FAM133B: variants seen among roughly 807,000 people sequenced by gnomAD.
FAM133B encodes family with sequence similarity 133 member B.
In FAM133B, 25 loss-of-function variants were observed where a neutral mutation model predicts 46.4. The observed-to-expected ratio is 0.54, with a 90% CI of 0.39 to 0.75. The LOEUF is 0.75. FAM133B is among the 30% of genes least tolerant of loss of function. FAM133B has a pLI of 0.00. For missense variants in FAM133B, 205 were observed against 277.6 expected (o/e 0.74, Z 1.86); for synonymous variants, 75 against 86.0 (o/e 0.87, Z 0.71).
chr7:92,575,137 T>A (rs555329935), intron 8 of FAM133B, among the ~76,000 whole-genome samples: 1 of 152,328 alleles, frequency 6.6e-6, no homozygotes, highest in Admixed American at 6.5e-5. Context: ...AATATTTATC[T>A]ATGGTATATT....
At chr7:92,590,232 T>G (rs764600562) in intron 1 of FAM133B, 36 bp downstream of exon 1, 2 of 1,613,358 alleles carry the variant, frequency 1.2e-6, no homozygotes, top group Non-Finnish European at 1.7e-6. Flanking sequence ...CGCCGGGCCC[T>G]GCGTCGCCCC....
chr7:92,568,024 A>G (rs917144289), intron 9 of FAM133B, among the ~76,000 whole-genome samples: 1 of 152,176 alleles, frequency 6.6e-6, no homozygotes, highest in African/African-American at 2.4e-5. Context: ...TTGGCCTCCC[A>G]AAGTGCTGGG....
At position 92,590,148 on chromosome 7, in the gene FAM133B, C is replaced by T. The variant is rs1454965163; in HGVS notation, c.24+120G>A. The T allele has an allele frequency of 8.0e-6, 12 of 1,499,716 alleles. No homozygotes were observed. In the African/African-American group the frequency reaches 1.7e-4, roughly 21 times the overall value. 92.9% of individuals were successfully genotyped at this position (1,499,716 alleles called of 1,614,324 possible). A position where few individuals can be genotyped will look rare whatever the true frequency, so the allele number is the denominator to read the frequency against. On this transcript the variant is annotated intron_variant, in intron 1 of 10. Transcript: ENST00000445716. Reference sequence around the variant, plus strand: ...GGGATCGGCGGAGGGTGCTGGGTCTCCAGGCCCCACGTCTGAGGGCTGCCG... The same window carrying T: ...GGGATCGGCGGAGGGTGCTGGGTCTTCAGGCCCCACGTCTGAGGGCTGCCG...
intron 1 of FAM133B, among the ~76,000 whole-genome samples, chr7:92,589,182 A>C (rs1795118892): frequency 6.6e-6 from 1 of 152,206 alleles, no homozygotes; most frequent in Admixed American, 6.5e-5. Flanking sequence ...TCAGTGGCTA[A>C]AACTTTGTCA....
At position 92,562,343 on chromosome 7, in the gene FAM133B, T is replaced by G; in HGVS notation, c.683A>C (p.His228Pro). The G allele has an allele frequency of 6.5e-7, 1 of 1,534,282 alleles. No individual in the cohort carries two copies. The highest frequency in any genetic ancestry group is 2.4e-5 in the East Asian group (1 of 40,824). The change falls in exon 11 of 11, where the codon CAT becomes CCT. Residue 228 changes from histidine to proline, a missense_variant. Coordinates refer to ENST00000445716, the MANE Select transcript of FAM133B (RefSeq NM_152789.4). ...ATEKTKKKKK[H>P]KKHSKKKKKK... ...TTTCTTCTTCTTACTGTGTTTCTTATGCTTCTTTTTCTTTTTTGTTTTTTC... is the reference window on the plus strand; with the variant it reads ...TTTCTTCTTCTTACTGTGTTTCTTAGGCTTCTTTTTCTTTTTTGTTTTTTC...
chr7:92,572,360 G>T (rs10278093), intron 8 of FAM133B, among the ~76,000 whole-genome samples: 1 of 152,100 alleles, frequency 6.6e-6, no homozygotes, highest in African/African-American at 2.4e-5. Context: ...CAAAATGTTC[G>T]TAAGTTGAAT....
intron 9 of FAM133B, chr7:92,569,408 T>C (rs1232493483): frequency 6.6e-6 from 1 of 152,570 alleles, no homozygotes; most frequent in African/African-American, 2.4e-5. Context: ...TTCATCACCT[T>C]TCTACTCCCC....
chr7:92,590,151 G>A, intron 1 of FAM133B, 117 bp downstream of exon 1: 7 of 1,511,672 alleles, frequency 4.6e-6, no homozygotes, highest in East Asian at 4.6e-5. Context: ...TGGGTCTCCA[G>A]GCCCCACGTC....
intron 1 of FAM133B, among the ~76,000 whole-genome samples, chr7:92,583,647 T>C (rs1223581462): frequency 6.6e-6 from 1 of 152,234 alleles, no homozygotes; most frequent in African/African-American, 2.4e-5. Flanking sequence ...AAAATTCGCA[T>C]TGCTACTGAT....
intron 1 of FAM133B, among the ~76,000 whole-genome samples, chr7:92,586,646 ATT>A (rs2116426658): frequency 6.6e-6 from 1 of 152,350 alleles, no homozygotes; most frequent in Admixed American, 6.5e-5. Context: ...ACAGAAAATG[ATT>A]TGTTTCTGAA....
chr7:92,577,251 C>T (rs936757627), intron 6 of FAM133B, 56 bp from the exon 7 acceptor site: 12 of 1,208,140 alleles, frequency 9.9e-6, no homozygotes, highest in Non-Finnish European at 1.3e-5. Flanking sequence ...CTAATTTACA[C>T]ATTTATTAAT....
At chr7:92,579,226 GT>G in intron 3 of FAM133B, 90 bp downstream of exon 3, 1 of 1,115,580 alleles carries the variant, frequency 9.0e-7, no homozygotes, top group African/African-American at 1.6e-5. Flanking sequence ...CTGGCCTCCC[GT>G]TTCGGCCTCC....
intron 8 of FAM133B, among the ~76,000 whole-genome samples, chr7:92,572,330 A>C (rs1794556614): frequency 6.6e-6 from 1 of 152,278 alleles, no homozygotes; most frequent in Non-Finnish European, 1.5e-5. Context: ...AGAATGCAAA[A>C]TAACAAGCAC....
intron 8 of FAM133B, among the ~76,000 whole-genome samples, chr7:92,574,019 T>C (rs1794616860): frequency 6.6e-6 from 1 of 152,130 alleles, no homozygotes. Context: ...TTAAAATTAA[T>C]TAAAAAAAAT....
chr7:92,571,734 C>T (rs2116390967), intron 8 of FAM133B, among the ~76,000 whole-genome samples: 1 of 152,300 alleles, frequency 6.6e-6, no homozygotes, highest in African/African-American at 2.4e-5. Flanking sequence ...CTGGACTCTA[C>T]ACTGTTCCAT....
Position 92,581,928 on chromosome 7 carries a change from A to T in FAM133B, c.25-325T>A. On this transcript the variant is annotated intron_variant, in intron 1 of 10. Coordinates refer to ENST00000445716, the MANE Select transcript of FAM133B (RefSeq NM_152789.4). ...AGCCCAGTAACCCTGTGAGGGTGAT[A>T]ACAGTATGTTCACTAGAAAATTAAG... 1.5e-5 allele frequency: 3 copies of T among 200,380 alleles called. 1 individual carries two copies. The South Asian group carries it at 2.9e-4, about 20-fold the overall frequency. 12.4% of individuals were successfully genotyped at this position (200,380 alleles called of 1,614,324 possible). A position where few individuals can be genotyped will look rare whatever the true frequency, so the allele number is the denominator to read the frequency against.
intron 1 of FAM133B, among the ~76,000 whole-genome samples, chr7:92,589,562 AGAG>A (rs1250355132): frequency 6.6e-6 from 1 of 152,238 alleles, no homozygotes; most frequent in Non-Finnish European, 1.5e-5. Context: ...ACGACGGCAC[AGAG>A]AAGAAAAGTA....
intron 2 of FAM133B, among the ~76,000 whole-genome samples, chr7:92,580,488 G>A (rs1187533490): frequency 6.6e-6 from 1 of 152,176 alleles, no homozygotes; most frequent in East Asian, 1.9e-4. Context: ...TCAATTGGTT[G>A]CCAAAATCTC....
At chr7:92,577,364 T>C (rs1291950562) in intron 6 of FAM133B, 169 bp from the exon 7 acceptor site, 3 of 470,482 alleles carry the variant, frequency 6.4e-6, no homozygotes, top group Non-Finnish European at 1.1e-5. Context: ...ATCAAGTGAT[T>C]TGAATCACAT....
Sources: gnomAD v4.1 joint callset for allele counts (sites outside exome capture counted in the v4.1 genomes callset) on GRCh38, gnomAD v4.1.1 for gene constraint, MANE v1.5 for transcripts, NCBI Gene and HGNC (gene_info 2026-07-23, HGNC 2026-07-21) for gene names.